Variants in PIK3R2 observed in about 807,000 individuals in gnomAD.
The protein encoded by PIK3R2 is phosphatidylinositol 3-kinase regulatory subunit beta.
In PIK3R2, 40 loss-of-function variants were observed where a neutral mutation model predicts 78.5. That is an observed-to-expected ratio of 0.51 (90% CI 0.40 to 0.66). The LOEUF (loss-of-function observed/expected upper bound fraction) is 0.66, where lower values mean the gene tolerates loss of function less well. PIK3R2 is among the 30% of genes least tolerant of loss of function. The pLI, the probability that PIK3R2 is intolerant of heterozygous loss-of-function variation, is 0.00. For synonymous variants in PIK3R2, 473 were observed against 457.7 expected (o/e 1.03, Z -0.43); for missense variants, 880 against 1,026.6 (o/e 0.86, Z 1.95).
At chr19:18,163,428 A>G in intron 11 of PIK3R2, 40 bp downstream of exon 11, 1 of 1,612,136 alleles carries the variant, frequency 6.2e-7, no homozygotes, top group East Asian at 2.2e-5. Context: ...CGAGACATAG[A>G]GGGGCAGTGG....
At position 18,155,928 on chromosome 19, in the gene PIK3R2, C is replaced by A. The variant is rs868385898; in HGVS notation, c.49C>A (p.Arg17=). The A allele has an allele frequency of 6.4e-7, 1 of 1,568,156 alleles. No individual in the cohort carries two copies. Among genetic ancestry groups the A allele is most frequent in the Non-Finnish European group, 8.6e-7 (1 of 1,156,912 alleles). The change falls in exon 2 of 16, where the codon CGG becomes AGG. Residue 17 remains arginine (R), a synonymous_variant. Coordinates refer to ENST00000222254, the MANE Select transcript of PIK3R2 (RefSeq NM_005027.4). The part of the protein sequence containing the change: ...FQYRALYPFR[R]ERPEDLELLP... ...GTACCGCGCTCTGTACCCGTTCCGC[C>A]GGGAGCGGCCGGAGGACCTGGAGCT...
rs201146203 is a variant in PIK3R2 at position 18,163,048 on chromosome 19, C to A, written c.1191C>A (p.Ser397=). The A allele has an allele frequency of 6.2e-7, 1 of 1,613,766 alleles. No individual in the cohort carries two copies. Among genetic ancestry groups the A allele is most frequent in the South Asian group, 1.1e-5 (1 of 91,044 alleles). ...TCTCAGAGCCACTCACCTTCTGCTC[C>A]GTTGTGGACCTCATCAATCACTACC... is the stretch of plus-strand genomic sequence containing the variant. The part of the protein sequence containing the change: ...YGFSEPLTFC[S]VVDLINHYRH... Residue 397 remains serine, a synonymous_variant, in exon 10 of 16, where the codon TCC becomes TCA. Coordinates refer to ENST00000222254, the MANE Select transcript of PIK3R2 (RefSeq NM_005027.4).
At chr19:18,157,213 G>A (rs1046356464) in intron 2 of PIK3R2, among the ~76,000 whole-genome samples, 18 of 152,202 alleles carry the variant, frequency 1.2e-4, no homozygotes, top group Non-Finnish European at 2.6e-4. Flanking sequence ...CAGCCTCCAG[G>A]CATCTGGTAT....
At chr19:18,154,612 G>T (rs574657178) in intron 1 of PIK3R2, among the ~76,000 whole-genome samples, 1 of 152,080 alleles carries the variant, frequency 6.6e-6, no homozygotes, top group Non-Finnish European at 1.5e-5. Flanking sequence ...CCTCCATTGC[G>T]TCCTCCCTGC....
Position 18,169,454 on chromosome 19 carries a change from C to T in PIK3R2, c.*160C>T. 1 of 367,112 alleles carries T rather than the reference C, an allele frequency of 2.7e-6. No individual in the cohort carries two copies. The highest frequency in any genetic ancestry group is 4.9e-6 in the Non-Finnish European group (1 of 205,808). The allele number at this position is 367,112 out of a possible 1,614,324, so 22.7% of individuals were successfully genotyped here. ...CTCTCACCCTCTTTCTCTTTCCTTC[C>T]CTCCCCCATTCTCCAGATCTCCCTC... On this transcript the variant is annotated 3_prime_UTR_variant, in exon 16 of 16. Coordinates refer to ENST00000222254, the MANE Select transcript of PIK3R2 (RefSeq NM_005027.4).
Position 18,167,562 on chromosome 19 carries a change from A to G in PIK3R2, c.1736+256A>G, listed in dbSNP as rs1281053578. 6.6e-6 allele frequency among the ~76,000 whole-genome samples: 1 copy of G among 152,152 alleles called. No individual in the cohort carries two copies. The highest frequency in any genetic ancestry group is 1.5e-5 in the Non-Finnish European group (1 of 68,036). On this transcript the variant is annotated intron_variant, in intron 13 of 15. Coordinates refer to ENST00000222254, the MANE Select transcript of PIK3R2 (RefSeq NM_005027.4). This position sits in a 1 kb window ranked among gnomAD's most constrained non-coding sequence, Gnocchi z 4.5. ...GGAAAGTTGGAAGCCTTCCACAAAA[A>G]TTCCTGCTGGGCTGGGCGCAATGGC...
chr19:18,162,175 G>A, intron 7 of PIK3R2, 27 bp from the exon 8 acceptor site: 1 of 1,421,814 alleles, frequency 7.0e-7, no homozygotes, highest in Non-Finnish European at 9.9e-7. Context: ...TCGGTGCTCA[G>A]GATGCATTTG....
chr19:18,155,977 T>C lies in PIK3R2; in HGVS notation c.98T>C (p.Val33Ala). 6.4e-7 allele frequency: 1 copy of C among 1,562,970 alleles called. No individual in the cohort carries two copies. Among genetic ancestry groups the C allele is most frequent in the Non-Finnish European group, 8.7e-7 (1 of 1,154,102 alleles). Residue 33 changes from valine to alanine, a missense_variant, in exon 2 of 16, where the codon GTG becomes GCG. Val to Ala is a moderately conservative substitution (Grantham distance 64). Coordinates refer to ENST00000222254, the MANE Select transcript of PIK3R2 (RefSeq NM_005027.4). ...CTGCTGCCCGGCGACGTGCTGGTAG[T>C]GAGCCGGGCGGCCTTGCAGGCGCTG... The part of the protein sequence containing the change: ...LELLPGDVLV[V>A]SRAALQALGV...
rs2147960748 is a variant in PIK3R2 at position 18,169,204 on chromosome 19, C to T, written c.2097C>T (p.Ala699=). ...AGCTGGTGCTGCACTACCAGCACGC[C>T]TCGCTGGTGCAGCACAACGACGCGC... ...LKELVLHYQH[A]SLVQHNDALT... is the part of the protein sequence containing the mutation. The change falls in exon 16 of 16, where the codon GCC becomes GCT. Residue 699 remains alanine (A), a synonymous_variant. Transcript: ENST00000222254. The T allele has an allele frequency of 6.2e-7, 1 of 1,606,588 alleles. No homozygotes were observed.
At chr19:18,162,776 A>T (rs1276007980) in intron 9 of PIK3R2, 191 bp from the exon 10 acceptor site, 3 of 614,344 alleles carry the variant, frequency 4.9e-6, no homozygotes, top group Non-Finnish European at 8.5e-6. Context: ...TGTAATCCCA[A>T]CTACTCGGGA....
Position 18,168,716 on chromosome 19 carries a change from C to G in PIK3R2, c.1809-10C>G, listed in dbSNP as rs273270. The stretch of plus-strand genomic sequence containing the variant: ...ACCAGGGCCCTCCCCGCCACCGCCC[C>G]CCACCCCAGCCAGTACGCACTCATG... On this transcript the variant is annotated splice_polypyrimidine_tract_variant and intron_variant, in intron 14 of 15. Transcript: ENST00000222254. This position sits in a 1 kb window ranked among gnomAD's most constrained non-coding sequence, Gnocchi z 4.1. 1 of 1,609,308 alleles carries G rather than the reference C, an allele frequency of 6.2e-7. No individual in the cohort carries two copies.
intron 1 of PIK3R2, among the ~76,000 whole-genome samples, chr19:18,155,019 G>C (rs2043662347): frequency 6.6e-6 from 1 of 151,806 alleles, no homozygotes; most frequent in Non-Finnish European, 1.5e-5. Flanking sequence ...TTCAAGACCA[G>C]CCTGGCCAAC....
chr19:18,169,049 G>A (rs1365693963), intron 15 of PIK3R2, 38 bp from the exon 16 acceptor site: 1 of 1,587,104 alleles, frequency 6.3e-7, no homozygotes, highest in African/African-American at 1.3e-5. Context: ...TGGCGGGGAG[G>A]CCAGCCTTCC....
intron 2 of PIK3R2, among the ~76,000 whole-genome samples, chr19:18,159,016 A>G (rs899992960): frequency 6.6e-6 from 1 of 151,022 alleles, no homozygotes; most frequent in Non-Finnish European, 1.5e-5. Context: ...TAATTTTTGT[A>G]TTTCTAGTAG....
chr19:18,163,101 C>T lies in PIK3R2; in HGVS notation c.1244C>T (p.Ala415Val), dbSNP rs2147953264. The change falls in exon 10 of 16, where the codon GCC (alanine) becomes GTC (valine). Residue 415 changes from alanine to valine, a missense_variant. By Grantham distance (64) the Ala-to-Val change is moderately conservative. Transcript: ENST00000222254. ...CACGAGTCTCTGGCCCAGTACAATGCCAAGCTGGACACACGGCTCCTCTAC... is the reference window on the plus strand; with the variant it reads ...CACGAGTCTCTGGCCCAGTACAATGTCAAGCTGGACACACGGCTCCTCTAC... ...YRHESLAQYN[A>V]KLDTRLLYPV... The T allele has an allele frequency of 6.2e-7, 1 of 1,613,976 alleles. No homozygotes were observed. Among genetic ancestry groups the T allele is most frequent in the Non-Finnish European group, 8.5e-7 (1 of 1,179,994 alleles).
rs778796616 is a variant in PIK3R2, at chr19:18,169,271, G to A, written c.2164G>A (p.Gly722Ser). Residue 722 changes from glycine to serine, a missense_variant, in exon 16 of 16, where the codon GGC (glycine) becomes AGC (serine). Coordinates refer to ENST00000222254, the MANE Select transcript of PIK3R2 (RefSeq NM_005027.4). The stretch of plus-strand genomic sequence containing the variant: ...GCACCCAGTGCGCGCCCCGGGCCCC[G>A]GCCCGCCGCCTGCCGCCCGCTGAGC... ...LAHPVRAPGPGPPPAAR is the reference protein window; with the variant it reads ...LAHPVRAPGPSPPPAAR The A allele has an allele frequency of 1.3e-6, 2 of 1,519,280 alleles. No homozygotes were observed. The highest frequency in any genetic ancestry group is 1.8e-6 in the Non-Finnish European group (2 of 1,140,738). The allele number at this position is 1,519,280 out of a possible 1,614,324, so 94.1% of individuals were successfully genotyped here.
At chr19:18,163,565 C>T (rs908791307) in intron 11 of PIK3R2, among the ~76,000 whole-genome samples, 177 bp downstream of exon 11, 2 of 152,194 alleles carry the variant, frequency 1.3e-5, no homozygotes, top group Non-Finnish European at 1.5e-5. Context: ...GGCACAGTGG[C>T]TCCCGTCTGT....
At position 18,156,032 on chromosome 19, in the gene PIK3R2, A is replaced by G. The variant is rs2043675533; in HGVS notation, c.153A>G (p.Pro51=). 1 of 1,560,626 alleles carries G rather than the reference A, an allele frequency of 6.4e-7. No individual in the cohort carries two copies. Among genetic ancestry groups the G allele is most frequent in the Admixed American group, 1.9e-5 (1 of 52,428 alleles). ...TGGCCGAGGGTGGCGAGCGCTGCCC[A>G]CAGAGCGTGGGCTGGATGCCCGGCC... ...LGVAEGGERC[P]QSVGWMPGLN... Residue 51 remains proline, a synonymous_variant, in exon 2 of 16, where the codon CCA becomes CCG. Transcript: ENST00000222254. The surrounding 1 kb of genome is among the most constrained non-coding windows in gnomAD (Gnocchi z 4.2).
chr19:18,158,516 C>CAA (rs58831824), intron 2 of PIK3R2, among the ~76,000 whole-genome samples: 1 of 147,568 alleles, frequency 6.8e-6, no homozygotes, highest in Admixed American at 6.7e-5. Context: ...ACAACAACAA[C>CAA]AAAAAACGAG....
Sources: allele counts gnomAD v4.1 joint callset (sites outside exome capture counted in the v4.1 genomes callset), GRCh38; gene constraint gnomAD v4.1.1; non-coding constraint Gnocchi (gnomAD v3.1); transcripts MANE v1.5; gene names NCBI Gene and HGNC (gene_info 2026-07-23, HGNC 2026-07-21).